BRINP1: variants seen among roughly 807,000 people sequenced by gnomAD.
BRINP1 encodes the protein BMP/retinoic acid inducible neural specific 1.
Under a neutral mutation model 72.9 loss-of-function variants are expected in BRINP1, and 17 were observed. That is an observed-to-expected ratio of 0.23 (90% CI 0.16 to 0.35). BRINP1 has a LOEUF of 0.35. BRINP1 is among the 10% of genes least tolerant of loss of function. The pLI is 1.00. For synonymous variants in BRINP1, 418 were observed against 378.5 expected (o/e 1.10, Z -1.21); for missense variants, 850 against 1,001.6 (o/e 0.85, Z 2.04).
intron 7 of BRINP1, among the ~76,000 whole-genome samples, chr9:119,205,858 C>T (rs1000090128): frequency 1.3e-5 from 2 of 152,048 alleles, no homozygotes; most frequent in South Asian, 2.1e-4. Context: ...CATGGTCAAA[C>T]ATGGCCCTCC....
Position 119,167,249 on chromosome 9 carries a change from G to C in BRINP1, c.2121C>G (p.Ala707=). The C allele has an allele frequency of 1.9e-6, 3 of 1,614,146 alleles. No homozygotes were observed. The highest frequency in any genetic ancestry group is 2.5e-6 in the Non-Finnish European group (3 of 1,180,036). Residue 707 remains alanine, a synonymous_variant, in exon 8 of 8, where the codon GCC becomes GCG. Transcript: ENST00000265922. The surrounding 1 kb of genome is among the most constrained non-coding windows in gnomAD (Gnocchi z 4.3). ...LDIRDRINRL[A]PPVAPGKPQL... Reference sequence around the variant, plus strand: ...GGGGTTTCCCCGGGGCCACAGGAGGGGCCAGGCGATTAATTCGGTCCCGAA... The same window carrying C: ...GGGGTTTCCCCGGGGCCACAGGAGGCGCCAGGCGATTAATTCGGTCCCGAA...
intron 7 of BRINP1, among the ~76,000 whole-genome samples, chr9:119,196,517 G>A (rs1023507541): frequency 1.3e-5 from 2 of 152,068 alleles, no homozygotes; most frequent in Non-Finnish European, 2.9e-5. Context: ...ATGATAAGAT[G>A]CAAACTCCAC....
At chr9:119,351,526 T>G (rs1831507890) in intron 1 of BRINP1, among the ~76,000 whole-genome samples, 1 of 151,946 alleles carries the variant, frequency 6.6e-6, no homozygotes, top group Admixed American at 6.6e-5. Context: ...TAGTTCATCA[T>G]GTGTATACAA....
intron 2 of BRINP1, among the ~76,000 whole-genome samples, chr9:119,277,841 G>A (rs1830671844): frequency 1.3e-5 from 2 of 152,122 alleles, no homozygotes; most frequent in Non-Finnish European, 2.9e-5. Flanking sequence ...ATATTGGGAA[G>A]TCCATCCTAT....
At chr9:119,206,742 T>C (rs1297964464) in intron 7 of BRINP1, among the ~76,000 whole-genome samples, 4 of 152,208 alleles carry the variant, frequency 2.6e-5, no homozygotes, top group Non-Finnish European at 5.9e-5. Context: ...TCCACAGCAC[T>C]GTTCGCTGTG....
intron 1 of BRINP1, among the ~76,000 whole-genome samples, chr9:119,317,234 T>A (rs560462109): frequency 6.6e-6 from 1 of 152,256 alleles, no homozygotes; most frequent in East Asian, 1.9e-4. Flanking sequence ...ATTAAGAACA[T>A]TTGTGATTCA....
At chr9:119,325,685 T>C (rs1363377603) in intron 1 of BRINP1, among the ~76,000 whole-genome samples, 2 of 152,174 alleles carry the variant, frequency 1.3e-5, no homozygotes, top group African/African-American at 4.8e-5. Flanking sequence ...ACCACCTCCA[T>C]CCTAAGCCCT....
At chr9:119,208,532 C>T (rs138032385) in intron 7 of BRINP1, among the ~76,000 whole-genome samples, 187 bp downstream of exon 7, 14 of 152,192 alleles carry the variant, frequency 9.2e-5, no homozygotes, top group African/African-American at 2.6e-4. Flanking sequence ...AATGTGGAAT[C>T]TGAAACAATG....
At chr9:119,186,658 AC>A (rs1429158978) in intron 7 of BRINP1, among the ~76,000 whole-genome samples, 1 of 152,048 alleles carries the variant, frequency 6.6e-6, no homozygotes, top group Admixed American at 6.5e-5. Context: ...GATCTGTATC[AC>A]CTTGTCCACT....
intron 2 of BRINP1, among the ~76,000 whole-genome samples, chr9:119,267,550 C>T (rs1241063562): frequency 4.0e-5 from 6 of 151,834 alleles, no homozygotes; most frequent in Admixed American, 6.6e-5. Flanking sequence ...GCAGGAGAAT[C>T]GCTTGAACCC....
At chr9:119,222,432 A>G (rs952485335) in intron 5 of BRINP1, among the ~76,000 whole-genome samples, 1 of 152,100 alleles carries the variant, frequency 6.6e-6, no homozygotes, top group Non-Finnish European at 1.5e-5. Context: ...CAAAGCCTAA[A>G]ATATTAATTA....
chr9:119,247,252 A>G (rs983511328), intron 3 of BRINP1, among the ~76,000 whole-genome samples: 5 of 152,230 alleles, frequency 3.3e-5, no homozygotes, highest in Admixed American at 2.0e-4. Context: ...TTTCATATTC[A>G]AAGTCCTACT....
At chr9:119,322,725 A>C (rs1194630750) in intron 1 of BRINP1, among the ~76,000 whole-genome samples, 2 of 152,002 alleles carry the variant, frequency 1.3e-5, no homozygotes, top group Non-Finnish European at 2.9e-5. Flanking sequence ...TCTAGGCTTA[A>C]CTCTCAAATC....
intron 1 of BRINP1, among the ~76,000 whole-genome samples, chr9:119,366,531 T>C: frequency 6.7e-6 from 1 of 149,872 alleles, no homozygotes; most frequent in Non-Finnish European, 1.5e-5. Context: ...TGTGTGTGTG[T>C]GTGTGTGTGT....
At chr9:119,312,025 C>T (rs1051383609) in intron 2 of BRINP1, among the ~76,000 whole-genome samples, 3 of 152,200 alleles carry the variant, frequency 2.0e-5, no homozygotes, top group Non-Finnish European at 4.4e-5. Flanking sequence ...GAGGATTGAA[C>T]ATCCTCCCTT....
At chr9:119,216,350 G>T (rs149439781) in intron 5 of BRINP1, among the ~76,000 whole-genome samples, 1 of 152,156 alleles carries the variant, frequency 6.6e-6, no homozygotes, top group Admixed American at 6.5e-5. Context: ...GTTGAACAAC[G>T]GGCTGCTGTG....
chr9:119,247,528 G>A (rs916594664), intron 3 of BRINP1, among the ~76,000 whole-genome samples: 4 of 152,022 alleles, frequency 2.6e-5, no homozygotes, highest in Non-Finnish European at 4.4e-5. Context: ...GGTGGTGGGC[G>A]CCTGTAGTCC....
At chr9:119,326,873 C>G (rs760908909) in intron 1 of BRINP1, among the ~76,000 whole-genome samples, 64 of 152,288 alleles carry the variant, frequency 4.2e-4, no homozygotes, top group Non-Finnish European at 8.4e-4. Flanking sequence ...TCTGGAAATG[C>G]TTCCTGGAGA....
chr9:119,292,957 T>G (rs1215131825), intron 2 of BRINP1, among the ~76,000 whole-genome samples: 20 of 152,210 alleles, frequency 1.3e-4, no homozygotes, highest in Admixed American at 1.3e-3. Context: ...TATTTATTGA[T>G]TTAGTCGTAG....
Sources: allele counts gnomAD v4.1 joint callset (sites outside exome capture counted in the v4.1 genomes callset), GRCh38; gene constraint gnomAD v4.1.1; non-coding constraint Gnocchi (gnomAD v3.1); transcripts MANE v1.5; gene names NCBI Gene and HGNC (gene_info 2026-07-23, HGNC 2026-07-21).